Variants in TMC5 observed in about 807,000 individuals in gnomAD.
The protein encoded by TMC5 is transmembrane channel like 5.
TMC5 carries 86 observed loss-of-function variants against 110.5 expected under a neutral mutation model. That is an observed-to-expected ratio of 0.78 (90% CI 0.65 to 0.93). TMC5 has a LOEUF of 0.93. Among genes scored for constraint, TMC5 ranks in the 40% least tolerant of loss-of-function variants. The pLI, the probability that TMC5 is intolerant of heterozygous loss-of-function variation, is 0.00. For missense variants in TMC5, 1,144 were observed against 1,222.8 expected (o/e 0.94, Z 0.96); for synonymous variants, 455 against 439.5 (o/e 1.04, Z -0.44).
intron 8 of TMC5, 128 bp downstream of exon 8, chr16:19,464,152 T>C: frequency 8.6e-7 from 1 of 1,165,788 alleles, no homozygotes; most frequent in Non-Finnish European, 1.2e-6. Flanking sequence ...AGTGGATGTT[T>C]GAAATGTTTT....
intron 1 of TMC5, among the ~76,000 whole-genome samples, chr16:19,425,356 C>G (rs1967070192): frequency 6.7e-6 from 1 of 148,832 alleles, no homozygotes; most frequent in African/African-American, 2.5e-5. Flanking sequence ...TCCTGTGCAC[C>G]CTTGACTGCT....
intron 19 of TMC5, among the ~76,000 whole-genome samples, chr16:19,493,883 C>CT (rs5816053): frequency 3.3e-5 from 5 of 150,624 alleles, no homozygotes; most frequent in East Asian, 3.9e-4. Context: ...CTACATATAT[C>CT]TTTTTTTTTT....
intron 2 of TMC5, among the ~76,000 whole-genome samples, chr16:19,437,324 A>G (rs563704185): frequency 9.9e-5 from 15 of 152,236 alleles, no homozygotes; most frequent in African/African-American, 1.4e-4. Flanking sequence ...GTCTCCAGGA[A>G]GAAAATAATT....
intron 5 of TMC5, among the ~76,000 whole-genome samples, chr16:19,451,311 A>G (rs952292993): frequency 3.3e-5 from 5 of 152,152 alleles, no homozygotes; most frequent in Non-Finnish European, 5.9e-5. Flanking sequence ...CCCATCGCCT[A>G]TAAGATAACC....
chr16:19,429,776 G>A (rs1001136359), intron 1 of TMC5, among the ~76,000 whole-genome samples: 3 of 151,972 alleles, frequency 2.0e-5, no homozygotes, highest in Non-Finnish European at 4.4e-5. Context: ...GAATTAGCCA[G>A]TCTTGAACTC....
At chr16:19,424,883 A>G (rs1238924013) in intron 1 of TMC5, among the ~76,000 whole-genome samples, 1 of 152,156 alleles carries the variant, frequency 6.6e-6, no homozygotes, top group Non-Finnish European at 1.5e-5. Flanking sequence ...TCGTTCCTGG[A>G]GGATGAGGGG....
chr16:19,477,526 T>G lies in TMC5; in HGVS notation c.2169+8T>G. On this transcript the variant is annotated splice_region_variant and intron_variant, in intron 13 of 21. Transcript: ENST00000542583. ...GCCCTGTCTGGTGAAGAGGTGAGAT[T>G]CTATGCTTCTCTGCCTTAAGTTTGG... The G allele has an allele frequency of 6.3e-7, 1 of 1,586,450 alleles. No individual in the cohort carries two copies. Among genetic ancestry groups the G allele is most frequent in the Non-Finnish European group, 8.6e-7 (1 of 1,164,698 alleles).
rs1967699573 is a variant in TMC5 at position 19,449,528 on chromosome 16, C to T, written c.959-14C>T. On this transcript the variant is annotated splice_polypyrimidine_tract_variant and intron_variant, in intron 4 of 21. Transcript: ENST00000542583. ...TGAGACTAATCGGCAATATCTCCTTCCTCTTCCCTCCAGTGAACCCTGCTT... is the reference window on the plus strand; with the variant it reads ...TGAGACTAATCGGCAATATCTCCTTTCTCTTCCCTCCAGTGAACCCTGCTT... The T allele has an allele frequency of 5.0e-6, 8 of 1,611,266 alleles. No individual in the cohort carries two copies. The highest frequency in any genetic ancestry group is 6.8e-6 in the Non-Finnish European group (8 of 1,177,418).
chr16:19,423,492 C>G lies in TMC5; in HGVS notation c.-308+5400C>G, dbSNP rs1292250588. Among the ~76,000 whole-genome samples, 3 of 152,206 alleles carry G rather than the reference C, an allele frequency of 2.0e-5. No individual in the cohort carries two copies. In the East Asian group the frequency reaches 5.8e-4, roughly 29 times the overall value. On this transcript the variant is annotated intron_variant, in intron 1 of 21. Coordinates refer to ENST00000542583, the MANE Select transcript of TMC5 (RefSeq NM_001261841.2). ...GGAATTTAGCACCTCAACATTTTCC[C>G]CTAATAAAGTTCTACCCCCTGCATT... is the stretch of plus-strand genomic sequence containing the variant.
upstream of TMC5, chr16:19,417,686 G>A (rs1484022181): frequency 6.6e-6 from 1 of 152,228 alleles, no homozygotes; most frequent in Non-Finnish European, 1.5e-5. Context: ...TTAGGAAGAA[G>A]GAAATGCACA....
At chr16:19,443,987 A>T in intron 3 of TMC5, 94 bp from the exon 4 acceptor site, 1 of 1,206,402 alleles carries the variant, frequency 8.3e-7, no homozygotes, top group African/African-American at 2.0e-5. Context: ...ATGGATGAAT[A>T]CATGATTGAA....
intron 9 of TMC5, 64 bp downstream of exon 9, chr16:19,466,297 A>T (rs1318253410): frequency 3.2e-6 from 5 of 1,571,756 alleles, no homozygotes; most frequent in Non-Finnish European, 4.3e-6. Flanking sequence ...AAATCCAAGA[A>T]ATTCAAAAAT....
chr16:19,452,575 G>A (rs983403425), intron 5 of TMC5, among the ~76,000 whole-genome samples: 4 of 152,078 alleles, frequency 2.6e-5, no homozygotes, highest in Admixed American at 1.3e-4. Context: ...AAATTAGCCG[G>A]GCATGGTGGC....
chr16:19,476,237 C>T (rs1330968213), intron 12 of TMC5, among the ~76,000 whole-genome samples: 1 of 151,974 alleles, frequency 6.6e-6, no homozygotes, highest in Non-Finnish European at 1.5e-5. Flanking sequence ...GTCCCAGCTA[C>T]TCAGGTGGCT....
chr16:19,477,254 T>TA (rs370134303), intron 12 of TMC5, among the ~76,000 whole-genome samples, 186 bp from the exon 13 acceptor site: 23 of 145,070 alleles, frequency 1.6e-4, no homozygotes, highest in African/African-American at 4.1e-4. Context: ...TCTCAAAAAA[T>TA]AAAAAAAAAA....
intron 5 of TMC5, among the ~76,000 whole-genome samples, chr16:19,450,365 A>T (rs1370722309): frequency 1.3e-5 from 2 of 152,208 alleles, no homozygotes; most frequent in Admixed American, 1.3e-4. Flanking sequence ...TAGGTATTTT[A>T]GGGATATTTG....
At chr16:19,473,878 G>T (rs1404016446) in intron 11 of TMC5, among the ~76,000 whole-genome samples, 1 of 152,134 alleles carries the variant, frequency 6.6e-6, no homozygotes, top group African/African-American at 2.4e-5. Flanking sequence ...TACTCTGGAG[G>T]CTGAGGCAGG....
intron 13 of TMC5, among the ~76,000 whole-genome samples, chr16:19,478,569 T>A (rs1215359677): frequency 1.3e-5 from 2 of 151,792 alleles, no homozygotes; most frequent in Non-Finnish European, 2.9e-5. Flanking sequence ...CATACATCCA[T>A]CCACTTATCC....
At chr16:19,466,669 A>G (rs1268547188) in intron 9 of TMC5, among the ~76,000 whole-genome samples, 2 of 152,144 alleles carry the variant, frequency 1.3e-5, no homozygotes, top group Non-Finnish European at 2.9e-5. Flanking sequence ...TTGACTTTCC[A>G]TTGCTGTCCA....
Sources: gnomAD v4.1 joint callset for allele counts (sites outside exome capture counted in the v4.1 genomes callset) on GRCh38, gnomAD v4.1.1 for gene constraint, MANE v1.5 for transcripts, NCBI Gene and HGNC (gene_info 2026-07-23, HGNC 2026-07-21) for gene names.